Variants in GALNT10 observed in about 807,000 individuals in gnomAD.
GALNT10 encodes the protein GalNAc transferase 10.
In GALNT10, 41 loss-of-function variants were observed where a neutral mutation model predicts 75.0. The observed-to-expected ratio is 0.55, with a 90% CI of 0.43 to 0.71. The LOEUF is 0.71. Ranked by LOEUF, GALNT10 falls within the 30% of genes least tolerant of loss-of-function variation. GALNT10 has a pLI of 0.00. For missense variants in GALNT10, 727 were observed against 818.5 expected, an observed-to-expected ratio of 0.89 and a Z score of 1.36; for synonymous variants, 302 against 313.0, an observed-to-expected ratio of 0.96 and a Z score of 0.37.
chr5:154,268,967 C>G (rs1056705350), intron 1 of GALNT10, among the ~76,000 whole-genome samples: 1 of 142,356 alleles, frequency 7.0e-6, no homozygotes, highest in Non-Finnish European at 1.5e-5. Context: ...TGAGACCCCC[C>G]ATCCCTACTT....
Position 154,409,833 on chromosome 5 carries a change from C to A in GALNT10, c.1386+71C>A. 1 of 1,035,532 alleles carries A rather than the reference C, an allele frequency of 9.7e-7. No homozygotes were observed. The highest frequency in any genetic ancestry group is 1.5e-6 in the Non-Finnish European group (1 of 658,874). The allele number at this position is 1,035,532 out of a possible 1,614,324, so 64.1% of individuals were successfully genotyped here. ...AAAATGCAAATGCAGATCCCATGTT[C>A]AAAAGGTAGAAAGTCAGTGCAGGGA... is the stretch of plus-strand genomic sequence containing the variant. On this transcript the variant is annotated intron_variant, in intron 9 of 11. Transcript: ENST00000297107. This position sits in a 1 kb window ranked among gnomAD's most constrained non-coding sequence, Gnocchi z 4.5.
chr5:154,199,335 C>T lies in GALNT10; in HGVS notation c.159+8310C>T, dbSNP rs1774990430. On this transcript the variant is annotated intron_variant, in intron 1 of 11. Transcript: ENST00000297107. ...CACCCACCTGACAGGAGACAGACCT[C>T]TCTTTCCCCAGGGACCCACTCCATT... Among the ~76,000 whole-genome samples the T allele has an allele frequency of 8.5e-5, 13 of 152,186 alleles. 1 individual carries two copies. Among genetic ancestry groups the T allele is most frequent in the Admixed American group, 8.5e-4 (13 of 15,290 alleles).
intron 1 of GALNT10, among the ~76,000 whole-genome samples, chr5:154,226,986 T>C (rs370479044): frequency 9.2e-5 from 14 of 152,302 alleles, no homozygotes; most frequent in South Asian, 4.1e-4. Flanking sequence ...GTGACCATGA[T>C]TATTTTGAGA....
At chr5:154,231,408 A>G (rs1753148209) in intron 1 of GALNT10, among the ~76,000 whole-genome samples, 1 of 152,180 alleles carries the variant, frequency 6.6e-6, no homozygotes, top group African/African-American at 2.4e-5. Context: ...TGAATTCAGA[A>G]GTCAGAAATG....
chr5:154,355,340 C>T (rs1033287928), intron 4 of GALNT10, among the ~76,000 whole-genome samples: 2 of 152,222 alleles, frequency 1.3e-5, no homozygotes, highest in African/African-American at 4.8e-5. Flanking sequence ...GTCCTAGAGG[C>T]CCAGGGCAAT....
At chr5:154,394,899 G>T (rs770246273) in intron 7 of GALNT10, among the ~76,000 whole-genome samples, 2 of 152,140 alleles carry the variant, frequency 1.3e-5, no homozygotes, top group Admixed American at 6.5e-5. Context: ...CAGCATTTTC[G>T]TCCTGGGGCC....
At chr5:154,326,073 C>CA (rs201544546) in intron 3 of GALNT10, among the ~76,000 whole-genome samples, 12,614 of 143,236 alleles carry the variant, frequency 0.088, 544 homozygotes, top group East Asian at 0.17. Flanking sequence ...TACACACTAG[C>CA]AAAAAAAAAA....
chr5:154,380,947 G>A (rs376947041), intron 6 of GALNT10, among the ~76,000 whole-genome samples: 11 of 152,130 alleles, frequency 7.2e-5, no homozygotes, highest in Admixed American at 4.6e-4. Flanking sequence ...AACCATCATC[G>A]TCACCAAGTG....
intron 1 of GALNT10, among the ~76,000 whole-genome samples, chr5:154,280,596 C>T (rs968828566): frequency 4.6e-5 from 7 of 152,142 alleles, no homozygotes; most frequent in African/African-American, 1.7e-4. Context: ...AATATATTCT[C>T]CCAGTTCATG....
rs867907909 is a variant in GALNT10, at chr5:154,247,549, G to A, written c.160-47267G>A. On this transcript the variant is annotated intron_variant, in intron 1 of 11. Transcript: ENST00000297107. ...CACATCCTTGTAAGTTGGATTCCTA[G>A]GTATTTTATTCTCTTTGAAGCAATT... is the stretch of plus-strand genomic sequence containing the variant. 2.8e-4 allele frequency among the ~76,000 whole-genome samples: 42 copies of A among 152,206 alleles called. 1 individual carries two copies. Among genetic ancestry groups the A allele is most frequent in the African/African-American group, 5.3e-4 (22 of 41,510 alleles).
chr5:154,345,923 G>T (rs1755115628), intron 4 of GALNT10, among the ~76,000 whole-genome samples: 1 of 144,620 alleles, frequency 6.9e-6, no homozygotes, highest in Non-Finnish European at 1.5e-5. Context: ...TGGGACTACA[G>T]TTGTGCACCA....
intron 1 of GALNT10, among the ~76,000 whole-genome samples, chr5:154,269,826 C>T (rs1753834797): frequency 6.6e-6 from 1 of 152,182 alleles, no homozygotes; most frequent in Non-Finnish European, 1.5e-5. Flanking sequence ...GTAGGAGGGA[C>T]TGGGCTCTTG....
At chr5:154,252,112 A>G (rs1753532524) in intron 1 of GALNT10, among the ~76,000 whole-genome samples, 1 of 152,122 alleles carries the variant, frequency 6.6e-6, no homozygotes, top group African/African-American at 2.4e-5. Context: ...TAGCAATACT[A>G]ATGCTACCGC....
At chr5:154,270,764 TG>T (rs1207180881) in intron 1 of GALNT10, among the ~76,000 whole-genome samples, 3 of 151,912 alleles carry the variant, frequency 2.0e-5, no homozygotes, top group African/African-American at 7.3e-5. Context: ...GGAGGCTGAA[TG>T]GACAGATCAT....
intron 1 of GALNT10, among the ~76,000 whole-genome samples, chr5:154,272,770 TAG>T (rs1287959123): frequency 6.6e-6 from 1 of 152,202 alleles, no homozygotes; most frequent in Non-Finnish European, 1.5e-5. Context: ...GCCTGGAACA[TAG>T]AGAGTCCAAT....
rs1754309682 is a variant in GALNT10, at chr5:154,298,138, GAATT to G, written c.401+66_401+69del. The G allele has an allele frequency of 2.6e-6, 4 of 1,514,040 alleles. No homozygotes were observed. The highest frequency in any genetic ancestry group is 3.6e-6 in the Non-Finnish European group (4 of 1,101,208). 93.8% of individuals were successfully genotyped at this position (1,514,040 alleles called of 1,614,324 possible). A position where few individuals can be genotyped will look rare whatever the true frequency, so the allele number is the denominator to read the frequency against. On this transcript the variant is annotated intron_variant, in intron 3 of 11. Coordinates refer to ENST00000297107, the MANE Select transcript of GALNT10 (RefSeq NM_198321.4). This position sits in a 1 kb window ranked among gnomAD's most constrained non-coding sequence, Gnocchi z 4.1. ...AGGATGTTTCCCTGGCTGTTGTTGAGAATTAATTAAGGAAGCAGGTACATGGAGC... is the reference window on the plus strand; with the variant it reads ...AGGATGTTTCCCTGGCTGTTGTTGAGAATTAAGGAAGCAGGTACATGGAGC...
intron 1 of GALNT10, among the ~76,000 whole-genome samples, chr5:154,272,295 C>G (rs570653294): frequency 6.6e-6 from 1 of 152,258 alleles, no homozygotes; most frequent in East Asian, 1.9e-4. Context: ...GGGGAGTGAT[C>G]GGTAGTGGCT....
At chr5:154,337,499 G>T in intron 4 of GALNT10, 1 of 730,358 alleles carries the variant, frequency 1.4e-6, no homozygotes, top group South Asian at 1.4e-5. Context: ...GGCTACTGCT[G>T]GTACTAGAAC....
intron 4 of GALNT10, chr5:154,347,200 C>T (rs531614529): frequency 6.2e-6 from 3 of 483,762 alleles, no homozygotes; most frequent in African/African-American, 4.2e-5. Flanking sequence ...ACAACAGTGC[C>T]AACCTCACAG....
Sources: allele counts gnomAD v4.1 joint callset (sites outside exome capture counted in the v4.1 genomes callset), GRCh38; gene constraint gnomAD v4.1.1; non-coding constraint Gnocchi (gnomAD v3.1); transcripts MANE v1.5; gene names NCBI Gene and HGNC (gene_info 2026-07-23, HGNC 2026-07-21).